GAD1: variants seen among roughly 807,000 people sequenced by gnomAD.
GAD1 encodes 67 kDa glutamic acid decarboxylase.
GAD1 carries 35 observed loss-of-function variants against 75.2 expected under a neutral mutation model. The observed-to-expected ratio is 0.47, with a 90% CI of 0.36 to 0.62. The LOEUF is 0.62. Ranked by LOEUF, GAD1 falls within the 20% of genes least tolerant of loss-of-function variation. GAD1 has a pLI of 0.00. For missense variants in GAD1, 490 were observed against 758.5 expected (o/e 0.65, Z 4.16); for synonymous variants, 257 against 271.9 (o/e 0.95, Z 0.54).
intron 6 of GAD1, among the ~76,000 whole-genome samples, chr2:170,839,754 A>G (rs1404573280): frequency 6.6e-6 from 1 of 152,224 alleles, no homozygotes; most frequent in Non-Finnish European, 1.5e-5. Context: ...AGGCACATAC[A>G]GCTCTTTTCT....
At position 170,848,009 on chromosome 2, in the gene GAD1, C is replaced by T. The variant is rs45470996; in HGVS notation, c.1119+217C>T. 0.024 allele frequency among the ~76,000 whole-genome samples: 3,592 copies of T among 152,312 alleles called. 140 individuals are homozygous for T. Among genetic ancestry groups the T allele is most frequent in the African/African-American group, 0.082 (3,401 of 41,546 alleles). ...CATCCACTTCCTTACTAGTCGATTG[C>T]TGTCTTCTGTGGTTCATCCTAGAAT... On this transcript the variant is annotated intron_variant, in intron 11 of 16. Transcript: ENST00000358196.
In GAD1 at chr2:170,840,715, A is replaced by G. The variant is rs1381749327; in HGVS notation, c.639-3330A>G. Among the ~76,000 whole-genome samples, 3 of 151,420 alleles carry G rather than the reference A, an allele frequency of 2.0e-5. No homozygotes were observed. In the East Asian group the frequency reaches 5.8e-4, roughly 29 times the overall value. ...AAAGAGACATACTCCTCTTTGATTAAAAAAAAATTAAAAAAAAAACCTTCT... is the reference window on the plus strand; with the variant it reads ...AAAGAGACATACTCCTCTTTGATTAGAAAAAAATTAAAAAAAAAACCTTCT... On this transcript the variant is annotated intron_variant, in intron 6 of 16. Transcript: ENST00000358196.
rs770313798 is a variant in GAD1, at chr2:170,858,181, TGGCA to T, written c.1522-622_1522-619del. ...AACCAATTAGAGGCAGGCACAGTAA[TGGCA>T]AACAGCAACCAGCGAGAAAACTTTA... is the stretch of plus-strand genomic sequence containing the variant. On this transcript the variant is annotated intron_variant, in intron 15 of 16. Coordinates refer to ENST00000358196, the MANE Select transcript of GAD1 (RefSeq NM_000817.3). Among the ~76,000 whole-genome samples, 91 of 152,024 alleles carry T rather than the reference TGGCA, an allele frequency of 6.0e-4. 1 individual carries two copies. Among genetic ancestry groups the T allele is most frequent in the Non-Finnish European group, 1.8e-4 (12 of 67,986 alleles).
At chr2:170,829,231 C>T (rs1027642178) in intron 3 of GAD1, 11 of 546,436 alleles carry the variant, frequency 2.0e-5, no homozygotes, top group African/African-American at 9.5e-5. Flanking sequence ...GAGAGGAGAA[C>T]GGGCTTCACT....
intron 16 of GAD1, among the ~76,000 whole-genome samples, chr2:170,859,340 C>T (rs896134962): frequency 1.3e-5 from 2 of 152,176 alleles, no homozygotes; most frequent in African/African-American, 4.8e-5. Flanking sequence ...ACATTTCATT[C>T]ATCCAACCAT....
chr2:170,852,899 TG>T (rs1268863065), intron 13 of GAD1, 107 bp downstream of exon 13: 1 of 940,910 alleles, frequency 1.1e-6, no homozygotes, highest in Non-Finnish European at 1.7e-6. Flanking sequence ...CTCACGAGAT[TG>T]GCAGCCCCAC....
intron 2 of GAD1, among the ~76,000 whole-genome samples, chr2:170,819,970 G>A (rs942825700): frequency 1.3e-5 from 2 of 152,146 alleles, no homozygotes; most frequent in Non-Finnish European, 2.9e-5. Flanking sequence ...CCACCCAGGA[G>A]GGATACAATT....
intron 4 of GAD1, among the ~76,000 whole-genome samples, chr2:170,830,618 C>T (rs937243218): frequency 2.6e-5 from 4 of 152,324 alleles, no homozygotes; most frequent in Non-Finnish European, 2.9e-5. Context: ...CAGGGGAGCA[C>T]GACAGATGCC....
intron 2 of GAD1, among the ~76,000 whole-genome samples, chr2:170,819,114 A>G (rs1701796803): frequency 3.3e-5 from 5 of 152,120 alleles, no homozygotes; most frequent in Admixed American, 6.5e-5. Context: ...GGCTGTGTTC[A>G]AAGTCTATAA....
rs372970860 is a variant in GAD1, at chr2:170,827,272, C to T, written c.146-2203C>T. Among the ~76,000 whole-genome samples, 449 of 152,312 alleles carry T rather than the reference C, an allele frequency of 2.9e-3. 22 individuals carry two copies. The South Asian group carries it at 0.086, about 29-fold the overall frequency. ...TCCAGATTAACTTGCCTTTTTGCAC[C>T]TCTTGGGACTTTCTTCCAAGTCTGC... On this transcript the variant is annotated intron_variant, in intron 3 of 16. Transcript: ENST00000358196.
upstream of GAD1, chr2:170,813,407 G>A (rs1315356502): frequency 1.3e-5 from 2 of 152,216 alleles, no homozygotes; most frequent in Admixed American, 6.5e-5. Context: ...CGTCTCGGGA[G>A]ACAGACGTTT....
intron 1 of GAD1, chr2:170,817,459 C>G (rs886148144): frequency 1.3e-5 from 2 of 152,128 alleles, no homozygotes; most frequent in African/African-American, 2.4e-5. Context: ...ACCCGCTGCC[C>G]GAGTTGCTGT....
intron 2 of GAD1, among the ~76,000 whole-genome samples, chr2:170,820,615 G>C (rs1701848964): frequency 6.6e-6 from 1 of 152,180 alleles, no homozygotes; most frequent in South Asian, 2.1e-4. Context: ...CCTTGGGTGG[G>C]GCTTGGAGCC....
Position 170,857,155 on chromosome 2 carries a change from GTA to G in GAD1, c.1521+32_1521+33del, listed in dbSNP as rs924385180. The G allele has an allele frequency of 5.1e-6, 8 of 1,560,810 alleles. No homozygotes were observed. The African/African-American group carries it at 1.1e-4, about 21-fold the overall frequency. On this transcript the variant is annotated intron_variant, in intron 15 of 16. Transcript: ENST00000358196. ...GTAATCATCATGGACCAGGTACACA[GTA>G]TTTCCAGAAAAACTGCTGAGGGAAG... is the stretch of plus-strand genomic sequence containing the variant.
At chr2:170,834,933 C>T (rs190450935) in intron 5 of GAD1, among the ~76,000 whole-genome samples, 1 of 152,018 alleles carries the variant, frequency 6.6e-6, no homozygotes, top group Non-Finnish European at 1.5e-5. Flanking sequence ...CCATGCCTGG[C>T]TAATTTTTGT....
At chr2:170,835,181 T>A (rs11890409) in intron 5 of GAD1, among the ~76,000 whole-genome samples, 4,304 of 152,274 alleles carry the variant, frequency 0.028, 196 homozygotes, top group African/African-American at 0.098. Flanking sequence ...TTTTCAAATT[T>A]CCAATTGTAT....
chr2:170,818,737 G>A lies in GAD1; in HGVS notation c.82+64G>A, dbSNP rs1701781066. 2 of 1,506,202 alleles carry A rather than the reference G, an allele frequency of 1.3e-6. No homozygotes were observed. Among genetic ancestry groups the A allele is most frequent in the East Asian group, 2.3e-5 (1 of 44,360 alleles). 93.3% of individuals were successfully genotyped at this position (1,506,202 alleles called of 1,614,324 possible). A position where few individuals can be genotyped will look rare whatever the true frequency, so the allele number is the denominator to read the frequency against. ...GGAAGATGGGGGCGCTGGGACGTCG[G>A]GAGGCTGAGCTGGCGGAAAGGGAAG... On this transcript the variant is annotated intron_variant, in intron 2 of 16. Coordinates refer to ENST00000358196, the MANE Select transcript of GAD1 (RefSeq NM_000817.3). The surrounding 1 kb of genome is among the most constrained non-coding windows in gnomAD (Gnocchi z 5.9).
At chr2:170,821,759 G>A (rs45473292) in intron 2 of GAD1, 8,082 of 394,132 alleles carry the variant, frequency 0.021, 298 homozygotes, top group Admixed American at 0.11. Context: ...GGCCCTTTGC[G>A]TGTGGGTCAG....
intron 13 of GAD1, 146 bp downstream of exon 13, chr2:170,852,938 T>C: frequency 1.4e-6 from 1 of 738,628 alleles, no homozygotes; most frequent in Non-Finnish European, 2.4e-6. Context: ...TGTCCTTTCC[T>C]GCCCTTGCAG....
Sources: gnomAD v4.1 joint callset for allele counts (sites outside exome capture counted in the v4.1 genomes callset) on GRCh38, gnomAD v4.1.1 for gene constraint, Gnocchi (gnomAD v3.1) non-coding constraint, MANE v1.5 for transcripts, NCBI Gene and HGNC (gene_info 2026-07-23, HGNC 2026-07-21) for gene names.